CDC14A: variants seen among roughly 807,000 people sequenced by gnomAD.
The protein encoded by CDC14A is cell division cycle 14A, also known as dual specificity protein phosphatase CDC14A.
A neutral mutation model predicts 74.4 loss-of-function variants in CDC14A; 53 were observed. That is an observed-to-expected ratio of 0.71 (90% CI 0.57 to 0.89). The LOEUF is 0.89. Ranked by LOEUF, CDC14A falls within the 40% of genes least tolerant of loss-of-function variation. The pLI is 0.00. For missense variants in CDC14A, 646 were observed against 713.7 expected (o/e 0.91, Z 1.08); for synonymous variants, 247 against 258.4 (o/e 0.96, Z 0.43).
At chr1:100,493,697 G>T (rs1361494064) in intron 11 of CDC14A, among the ~76,000 whole-genome samples, 1 of 152,186 alleles carries the variant, frequency 6.6e-6, no homozygotes, top group African/African-American at 2.4e-5. Flanking sequence ...TTCTTTAAGG[G>T]ATTGCCTCTA....
In CDC14A at chr1:100,352,662, C is replaced by A. The variant is rs1422180761; in HGVS notation, c.-293C>A. On this transcript the variant is annotated 5_prime_UTR_variant, in exon 1 of 16. Coordinates refer to ENST00000336454, the MANE Select transcript of CDC14A (RefSeq NM_003672.4). ...TGAGAGCTGGTCTGCGTTTCCCAGG[C>A]GCGGCGGCGGCGGAGCAGCAGCTGC... is the stretch of plus-strand genomic sequence containing the variant. The A allele has an allele frequency of 2.4e-6, 3 of 1,276,590 alleles. No homozygotes were observed. The highest frequency in any genetic ancestry group is 3.0e-6 in the Non-Finnish European group (3 of 1,011,104). 79.1% of individuals were successfully genotyped at this position (1,276,590 alleles called of 1,614,324 possible). A position where few individuals can be genotyped will look rare whatever the true frequency, so the allele number is the denominator to read the frequency against.
At chr1:100,380,084 A>T (rs1284127976) in intron 3 of CDC14A, among the ~76,000 whole-genome samples, 1 of 152,240 alleles carries the variant, frequency 6.6e-6, no homozygotes, top group Non-Finnish European at 1.5e-5. Flanking sequence ...TATACATAAT[A>T]AAGTTACCAA....
chr1:100,426,989 A>G (rs1263221266), intron 5 of CDC14A, among the ~76,000 whole-genome samples: 2 of 152,190 alleles, frequency 1.3e-5, no homozygotes, highest in Non-Finnish European at 2.9e-5. Flanking sequence ...TTATTATGCT[A>G]AGATAAGATG....
chr1:100,366,156 T>C (rs1364688258), intron 2 of CDC14A, among the ~76,000 whole-genome samples: 2 of 152,208 alleles, frequency 1.3e-5, no homozygotes, highest in Non-Finnish European at 2.9e-5. Context: ...TCAGCAGTGC[T>C]GGTAAAACAT....
At chr1:100,345,895 G>T (rs1650368206) in intron 1 of CDC14A, among the ~76,000 whole-genome samples, 1 of 152,156 alleles carries the variant, frequency 6.6e-6, no homozygotes. Flanking sequence ...GATTACGGCT[G>T]GGGGTGGTGG....
intron 3 of CDC14A, among the ~76,000 whole-genome samples, chr1:100,381,852 T>C (rs1656147055): frequency 6.6e-6 from 1 of 152,220 alleles, no homozygotes; most frequent in Admixed American, 6.5e-5. Context: ...AATAGGTTGC[T>C]GTTTGGTCTT....
At chr1:100,412,710 A>ATATATATATATATATATATATATATT (rs1660911802) in intron 4 of CDC14A, among the ~76,000 whole-genome samples, 1 of 96,048 alleles carries the variant, frequency 1.0e-5, no homozygotes, top group African/African-American at 7.3e-5. Context: ...ATATATATAT[A>ATATATATATATATATATATATATATT]TATATATATA....
chr1:100,351,937 A>C (rs1651062977), upstream of CDC14A: 2 of 771,596 alleles, frequency 2.6e-6, no homozygotes, highest in Non-Finnish European at 4.2e-6. Context: ...TGTTAGCTAG[A>C]GGCGAGGCAG....
At chr1:100,410,834 ATTTAAAAAATT>A (rs1448974187) in intron 4 of CDC14A, among the ~76,000 whole-genome samples, 2 of 152,230 alleles carry the variant, frequency 1.3e-5, no homozygotes, top group Non-Finnish European at 2.9e-5. Context: ...TATTAATTCA[ATTTAAAAAATT>A]TTTATCTCTC....
At chr1:100,509,548 G>T (rs1200605470) in intron 15 of CDC14A, among the ~76,000 whole-genome samples, 1 of 152,192 alleles carries the variant, frequency 6.6e-6, no homozygotes, top group Non-Finnish European at 1.5e-5. Flanking sequence ...TTTACTGTGT[G>T]TGCACATGTG....
At chr1:100,485,047 A>T (rs931383765) in intron 11 of CDC14A, 12 of 985,294 alleles carry the variant, frequency 1.2e-5, no homozygotes, top group African/African-American at 1.7e-5. Flanking sequence ...GGTTCAATCC[A>T]TGTCTGTCTG....
At chr1:100,485,697 A>G (rs554737350) in intron 11 of CDC14A, 2 of 152,398 alleles carry the variant, frequency 1.3e-5, no homozygotes, top group South Asian at 2.1e-4. Flanking sequence ...CTTAGCCCAC[A>G]AGGAGCCCAG....
In CDC14A at chr1:100,439,821, T is replaced by C. The variant is rs1055463511; in HGVS notation, c.390-111T>C. ...AATGTATTATATAAGTTTACCATGT[T>C]GATAGCTGTGAAGCCAAACAAGCAC... On this transcript the variant is annotated intron_variant, in intron 5 of 15. Coordinates refer to ENST00000336454, the MANE Select transcript of CDC14A (RefSeq NM_003672.4). 6.8e-5 allele frequency: 49 copies of C among 717,224 alleles called. No homozygotes were observed. In the Admixed American group the frequency reaches 1.0e-3, roughly 15 times the overall value. 44.4% of individuals were successfully genotyped at this position (717,224 alleles called of 1,614,324 possible). A position where few individuals can be genotyped will look rare whatever the true frequency, so the allele number is the denominator to read the frequency against.
At chr1:100,509,244 C>A (rs1649497100) in intron 15 of CDC14A, among the ~76,000 whole-genome samples, 1 of 152,168 alleles carries the variant, frequency 6.6e-6, no homozygotes, top group South Asian at 2.1e-4. Context: ...GTGAAGCCTT[C>A]CTTAATCTCA....
chr1:100,421,361 A>G (rs1402338384), intron 4 of CDC14A, among the ~76,000 whole-genome samples: 1 of 152,240 alleles, frequency 6.6e-6, no homozygotes, highest in Non-Finnish European at 1.5e-5. Context: ...ATATCTGGCA[A>G]CAAATTTTCG....
At chr1:100,382,210 TC>T (rs376191091) in intron 3 of CDC14A, among the ~76,000 whole-genome samples, 2 of 146,444 alleles carry the variant, frequency 1.4e-5, no homozygotes, top group Non-Finnish European at 3.0e-5. Flanking sequence ...CTTCCTCTAT[TC>T]TTTTTTTTTT....
At chr1:100,488,136 G>A (rs907336554) in intron 11 of CDC14A, among the ~76,000 whole-genome samples, 1 of 152,136 alleles carries the variant, frequency 6.6e-6, no homozygotes, top group Non-Finnish European at 1.5e-5. Context: ...GGTCCATTAT[G>A]GCTTGGAGTT....
chr1:100,372,597 A>G (rs1285126843), intron 2 of CDC14A, among the ~76,000 whole-genome samples: 1 of 152,192 alleles, frequency 6.6e-6, no homozygotes, highest in African/African-American at 2.4e-5. Context: ...TCATCATTCA[A>G]GTTTTATCAT....
intron 11 of CDC14A, chr1:100,484,911 C>T (rs1011985646): frequency 2.6e-5 from 25 of 977,120 alleles, no homozygotes; most frequent in Admixed American, 1.2e-4. Flanking sequence ...AAACAAACCA[C>T]GGTAAATAGT....
Sources: allele counts gnomAD v4.1 joint callset (sites outside exome capture counted in the v4.1 genomes callset), GRCh38; gene constraint gnomAD v4.1.1; transcripts MANE v1.5; gene names NCBI Gene and HGNC (gene_info 2026-07-23, HGNC 2026-07-21).